The following TBC1D22A variants were observed in gnomAD, a reference collection of about 807,000 sequenced individuals.
TBC1D22A encodes the protein putative GTPase activator.
In TBC1D22A, 38 loss-of-function variants were observed where a neutral mutation model predicts 60.2. The ratio of observed to expected loss-of-function variants is 0.63; its 90% CI spans 0.49 to 0.83. TBC1D22A has a LOEUF of 0.83. Among genes scored for constraint, TBC1D22A ranks in the 40% least tolerant of loss-of-function variants. The pLI, the probability that TBC1D22A is intolerant of heterozygous loss-of-function variation, is 0.00. For synonymous variants in TBC1D22A, 302 were observed against 281.7 expected (o/e 1.07, Z -0.72); for missense variants, 628 against 701.0 (o/e 0.90, Z 1.18).
rs2083504657 is a variant in TBC1D22A, at chr22:46,772,127, ACATATATATG to A, written c.62+9280_62+9289del. 4.3e-5 allele frequency among the ~76,000 whole-genome samples: 3 copies of A among 69,206 alleles called. No homozygotes were observed. In the Admixed American group the frequency reaches 5.6e-4, roughly 13 times the overall value. 45.4% of individuals were successfully genotyped at this position (69,206 alleles called of 152,430 possible). A position where few individuals can be genotyped will look rare whatever the true frequency, so the allele number is the denominator to read the frequency against. Reference sequence around the variant, plus strand: ...TACATATATATGTATACACACATATACATATATATGTATACACACATATACATATATATGT... The same window carrying A: ...TACATATATATGTATACACACATATATATACACACATATACATATATATGT... On this transcript the variant is annotated intron_variant, in intron 1 of 12. Transcript: ENST00000337137.
intron 4 of TBC1D22A, among the ~76,000 whole-genome samples, chr22:46,807,556 G>A (rs1369997125): frequency 6.6e-6 from 1 of 152,140 alleles, no homozygotes; most frequent in Non-Finnish European, 1.5e-5. Flanking sequence ...CCTCTGCAGC[G>A]GCAGTGACCA....
intron 6 of TBC1D22A, among the ~76,000 whole-genome samples, chr22:46,894,172 G>T (rs923044561): frequency 3.9e-5 from 6 of 152,196 alleles, no homozygotes; most frequent in African/African-American, 1.4e-4. Flanking sequence ...GCCTGCCTGT[G>T]ATGCCAGGCC....
chr22:47,103,706 C>A (rs975376700), intron 11 of TBC1D22A, among the ~76,000 whole-genome samples: 1 of 152,156 alleles, frequency 6.6e-6, no homozygotes, highest in South Asian at 2.1e-4. Context: ...TTAATTCCAA[C>A]ACAAACATGT....
At chr22:46,856,791 C>T (rs1479671099) in intron 4 of TBC1D22A, among the ~76,000 whole-genome samples, 1 of 152,180 alleles carries the variant, frequency 6.6e-6, no homozygotes, top group Admixed American at 6.5e-5. Flanking sequence ...TAATCACTTC[C>T]GTATTATTAG....
intron 12 of TBC1D22A, among the ~76,000 whole-genome samples, chr22:47,159,425 CCATA>C (rs2067874456): frequency 1.3e-5 from 2 of 150,820 alleles, no homozygotes; most frequent in African/African-American, 4.9e-5. Context: ...CACACAGACA[CCATA>C]CAAACACACA....
At chr22:46,898,829 G>A (rs2068826216) in intron 7 of TBC1D22A, among the ~76,000 whole-genome samples, 1 of 152,232 alleles carries the variant, frequency 6.6e-6, no homozygotes, top group Non-Finnish European at 1.5e-5. Flanking sequence ...GAACCAAAAG[G>A]GGAAGGCAAG....
intron 11 of TBC1D22A, among the ~76,000 whole-genome samples, chr22:47,047,281 A>G (rs1361001702): frequency 2.0e-5 from 3 of 152,270 alleles, no homozygotes; most frequent in African/African-American, 7.2e-5. Context: ...AAAGGAATAC[A>G]CATAGCCTAT....
chr22:47,000,120 C>T (rs1452498323), intron 10 of TBC1D22A, among the ~76,000 whole-genome samples: 2 of 152,172 alleles, frequency 1.3e-5, no homozygotes, highest in Non-Finnish European at 2.9e-5. Flanking sequence ...AGGAAAACAT[C>T]TTCATGGACT....
intron 8 of TBC1D22A, among the ~76,000 whole-genome samples, chr22:46,951,357 T>C (rs2072891148): frequency 6.6e-6 from 1 of 152,190 alleles, no homozygotes; most frequent in Non-Finnish European, 1.5e-5. Flanking sequence ...ATGGTAGCAT[T>C]TTCTGAGGCC....
intron 12 of TBC1D22A, among the ~76,000 whole-genome samples, chr22:47,168,709 G>T (rs2068304281): frequency 8.1e-6 from 1 of 124,126 alleles, no homozygotes; most frequent in South Asian, 2.8e-4. Flanking sequence ...CTGTTCTGGA[G>T]CCTGGGGCCC....
intron 12 of TBC1D22A, among the ~76,000 whole-genome samples, chr22:47,135,138 T>A (rs758667429): frequency 2.0e-5 from 3 of 152,192 alleles, no homozygotes; most frequent in Non-Finnish European, 4.4e-5. Context: ...ATAAGCAGGA[T>A]GGGGCCTCTT....
intron 1 of TBC1D22A, among the ~76,000 whole-genome samples, chr22:46,765,957 ATGTGTGTGTGTGTGTGTGTGTGTGTG>A (rs747869318): frequency 7.8e-6 from 1 of 128,568 alleles, no homozygotes; most frequent in Non-Finnish European, 1.6e-5. Flanking sequence ...CAGCTAATTT[ATGTGTGTGTGTGTGTGTGTGTGTGTG>A]TGTGTGTGTG....
chr22:46,904,347 G>A (rs915867976), intron 7 of TBC1D22A, among the ~76,000 whole-genome samples: 7 of 152,178 alleles, frequency 4.6e-5, no homozygotes, highest in African/African-American at 1.4e-4. Flanking sequence ...TCTATGTGGC[G>A]AGCTCATTGT....
intron 10 of TBC1D22A, among the ~76,000 whole-genome samples, chr22:47,036,446 C>T (rs900068061): frequency 6.6e-6 from 1 of 152,114 alleles, no homozygotes; most frequent in Non-Finnish European, 1.5e-5. Context: ...GAGAGGGGAG[C>T]GCATGTGGCT....
rs559285915 is a variant in TBC1D22A at position 46,868,407 on chromosome 22, G to A, written c.638-10246G>A. ...TATATATGAACCATAAATGAATTTT[G>A]TGTTTAGATTTAGGTCTCATCCCCA... On this transcript the variant is annotated intron_variant, in intron 4 of 12. Transcript: ENST00000337137. 3.0e-4 allele frequency among the ~76,000 whole-genome samples: 46 copies of A among 152,260 alleles called. 1 individual carries two copies. The South Asian group carries it at 9.1e-3, about 30-fold the overall frequency.
chr22:46,804,620 G>A (rs1255113367), intron 4 of TBC1D22A, among the ~76,000 whole-genome samples: 1 of 152,176 alleles, frequency 6.6e-6, no homozygotes, highest in Non-Finnish European at 1.5e-5. Flanking sequence ...TTCCCTGCTC[G>A]ATGTGGTATT....
intron 10 of TBC1D22A, among the ~76,000 whole-genome samples, chr22:47,027,775 A>G (rs535301433): frequency 7.2e-5 from 11 of 152,334 alleles, no homozygotes; most frequent in African/African-American, 2.2e-4. Flanking sequence ...TGTTTTTCAG[A>G]TGATACTATT....
rs536207153 is a variant in TBC1D22A at position 47,151,307 on chromosome 22, G to A, written c.1426-22191G>A. Among the ~76,000 whole-genome samples the A allele has an allele frequency of 3.3e-5, 5 of 152,304 alleles. No individual in the cohort carries two copies. The East Asian group carries it at 5.8e-4, about 18-fold the overall frequency. On this transcript the variant is annotated intron_variant, in intron 12 of 12. Coordinates refer to ENST00000337137, the MANE Select transcript of TBC1D22A (RefSeq NM_014346.5). Reference sequence around the variant, plus strand: ...TGAGGCAGGCCAGCGGCTTCCCGGCGCACTCACGCAGAACCGACCTTTCCA... The same window carrying A: ...TGAGGCAGGCCAGCGGCTTCCCGGCACACTCACGCAGAACCGACCTTTCCA...
Position 46,828,118 on chromosome 22 carries a change from G to A in TBC1D22A, c.637+30498G>A, listed in dbSNP as rs544410519. ...GGCCAGGGGGCTGCTCCACACTCCC[G>A]TGCCTTCCAACACAGCAGAGGTTCT... On this transcript the variant is annotated intron_variant, in intron 4 of 12. Coordinates refer to ENST00000337137, the MANE Select transcript of TBC1D22A (RefSeq NM_014346.5). Among the ~76,000 whole-genome samples, 440 of 152,310 alleles carry A rather than the reference G, an allele frequency of 2.9e-3. 3 individuals are homozygous for A. The highest frequency in any genetic ancestry group is 3.7e-3 in the Non-Finnish European group (254 of 68,032).
Sources: allele counts gnomAD v4.1 joint callset (sites outside exome capture counted in the v4.1 genomes callset), GRCh38; gene constraint gnomAD v4.1.1; transcripts MANE v1.5; gene names NCBI Gene and HGNC (gene_info 2026-07-23, HGNC 2026-07-21).